FBXO4: variants seen among roughly 807,000 people sequenced by gnomAD.
The protein encoded by FBXO4 is F-box only protein 4.
A neutral mutation model predicts 43.7 loss-of-function variants in FBXO4; 36 were observed. The observed-to-expected ratio is 0.82, with a 90% CI of 0.63 to 1.09. The LOEUF is 1.09. Ranked by LOEUF, FBXO4 falls within the 50% of genes least tolerant of loss-of-function variation. The pLI is 0.00. For missense variants in FBXO4, 435 were observed against 474.1 expected (o/e 0.92, Z 0.77); for synonymous variants, 180 against 165.6 (o/e 1.09, Z -0.67).
chr5:41,997,208 A>T, the FBXO4 span, among the ~76,000 whole-genome samples: 1 of 152,256 alleles, frequency 6.6e-6, no homozygotes, highest in East Asian at 1.9e-4. Context: ...ATGAAACCAT[A>T]TCAGGTACAG....
chr5:41,985,914 A>G, the FBXO4 span, among the ~76,000 whole-genome samples: 1 of 152,168 alleles, frequency 6.6e-6, no homozygotes, highest in African/African-American at 2.4e-5. Flanking sequence ...GTCTACAGGA[A>G]AAGTCGAACT....
the FBXO4 span, among the ~76,000 whole-genome samples, chr5:42,040,176 A>G: frequency 2.6e-5 from 4 of 151,988 alleles, no homozygotes; most frequent in Non-Finnish European, 4.4e-5. Flanking sequence ...TATCCCATCT[A>G]CCCTCTCTGT....
chr5:42,037,136 T>A, the FBXO4 span, among the ~76,000 whole-genome samples: 2 of 152,102 alleles, frequency 1.3e-5, no homozygotes, highest in Non-Finnish European at 2.9e-5. Flanking sequence ...CTCACTACAG[T>A]TGGAGTTCAC....
the FBXO4 span, among the ~76,000 whole-genome samples, chr5:42,035,624 A>G: frequency 6.6e-6 from 1 of 152,104 alleles, no homozygotes; most frequent in African/African-American, 2.4e-5. Context: ...TGCCTGCCAG[A>G]TACTCAAGTT....
the FBXO4 span, among the ~76,000 whole-genome samples, chr5:41,970,001 C>T: frequency 6.6e-6 from 1 of 152,014 alleles, no homozygotes; most frequent in Non-Finnish European, 1.5e-5. Flanking sequence ...ACAAAGCAAC[C>T]ATTTAATGAA....
At chr5:41,962,653 C>T in the FBXO4 span, among the ~76,000 whole-genome samples, 1 of 152,172 alleles carries the variant, frequency 6.6e-6, no homozygotes, top group Non-Finnish European at 1.5e-5. Context: ...TCCTGACCCT[C>T]TTCCACCAAA....
chr5:42,009,654 G>A, the FBXO4 span, among the ~76,000 whole-genome samples: 4 of 152,146 alleles, frequency 2.6e-5, no homozygotes, highest in Non-Finnish European at 5.9e-5. Flanking sequence ...GTGGGGTGCA[G>A]CAATGATGCT....
the FBXO4 span, among the ~76,000 whole-genome samples, chr5:41,964,721 G>T: frequency 6.6e-6 from 1 of 151,368 alleles, no homozygotes; most frequent in Non-Finnish European, 1.5e-5. Context: ...CCCACTTGTT[G>T]ATGGGGTTGT....
At position 41,925,326 on chromosome 5, in the gene FBXO4, C is replaced by T. The variant is rs1414673413; in HGVS notation, c.17C>T (p.Pro6Leu). Residue 6 changes from proline to leucine, a missense_variant, in exon 1 of 7, where the codon CCG (proline) becomes CTG (leucine). Coordinates refer to ENST00000281623, the MANE Select transcript of FBXO4 (RefSeq NM_012176.3). Reference sequence around the variant, plus strand: ...GGGCAAGCCATGGCGGGAAGCGAGCCGCGCAGCGGAACAAACTCGCCGCCG... The same window carrying T: ...GGGCAAGCCATGGCGGGAAGCGAGCTGCGCAGCGGAACAAACTCGCCGCCG... MAGSE[P>L]RSGTNSPPPP... 1 of 1,344,434 alleles carries T rather than the reference C, an allele frequency of 7.4e-7. No individual in the cohort carries two copies. Among genetic ancestry groups the T allele is most frequent in the Non-Finnish European group, 9.6e-7 (1 of 1,042,408 alleles). The allele number at this position is 1,344,434 out of a possible 1,614,324, so 83.3% of individuals were successfully genotyped here.
the FBXO4 span, among the ~76,000 whole-genome samples, chr5:42,021,751 T>C: frequency 6.6e-6 from 1 of 152,186 alleles, no homozygotes; most frequent in African/African-American, 2.4e-5. Context: ...TAGGAGACTT[T>C]CGCTTCTCAT....
chr5:41,969,157 C>A, the FBXO4 span, among the ~76,000 whole-genome samples: 10 of 152,142 alleles, frequency 6.6e-5, no homozygotes, highest in African/African-American at 2.4e-4. Context: ...AGGGTTGGTG[C>A]CCCTTAGCAG....
chr5:41,957,385 A>G, the FBXO4 span, among the ~76,000 whole-genome samples: 4 of 148,944 alleles, frequency 2.7e-5, no homozygotes, highest in African/African-American at 9.8e-5. Context: ...ATGCTGAATA[A>G]TTATAATTAT....
intron 3 of FBXO4, among the ~76,000 whole-genome samples, chr5:41,930,905 C>T (rs1400870906): frequency 6.6e-6 from 1 of 152,158 alleles, no homozygotes; most frequent in Non-Finnish European, 1.5e-5. Context: ...ATCCGCCCAC[C>T]TGGGTCTCCC....
the FBXO4 span, among the ~76,000 whole-genome samples, chr5:42,028,215 A>C: frequency 2.6e-5 from 4 of 151,902 alleles, no homozygotes; most frequent in Admixed American, 2.6e-4. Flanking sequence ...GTGTGTGTGC[A>C]TATATATTTA....
At chr5:41,994,146 A>G in the FBXO4 span, among the ~76,000 whole-genome samples, 2 of 152,230 alleles carry the variant, frequency 1.3e-5, no homozygotes, top group African/African-American at 4.8e-5. Flanking sequence ...TATGCCTAAC[A>G]TAATACAACT....
At chr5:41,976,946 T>C in the FBXO4 span, among the ~76,000 whole-genome samples, 1 of 152,208 alleles carries the variant, frequency 6.6e-6, no homozygotes, top group Non-Finnish European at 1.5e-5. Flanking sequence ...ATGCCTGCAT[T>C]CTGTGTGCCT....
the FBXO4 span, among the ~76,000 whole-genome samples, chr5:41,950,917 A>G: frequency 6.6e-6 from 1 of 152,354 alleles, no homozygotes; most frequent in African/African-American, 2.4e-5. Flanking sequence ...TTGCAGGGGC[A>G]TGGATGAAGT....
chr5:42,001,855 T>G, the FBXO4 span, among the ~76,000 whole-genome samples: 880 of 151,974 alleles, frequency 5.8e-3, 9 homozygotes, highest in African/African-American at 0.02. Flanking sequence ...CTGGCTAATT[T>G]TTTTTTTGTA....
the FBXO4 span, among the ~76,000 whole-genome samples, chr5:41,999,567 A>G: frequency 7.2e-6 from 1 of 138,418 alleles, no homozygotes; most frequent in Non-Finnish European, 1.5e-5. Flanking sequence ...ATATATGTAT[A>G]TATATATAGT....
Sources: gnomAD v4.1 joint callset for allele counts (sites outside exome capture counted in the v4.1 genomes callset) on GRCh38, gnomAD v4.1.1 for gene constraint, MANE v1.5 for transcripts, NCBI Gene and HGNC (gene_info 2026-07-23, HGNC 2026-07-21) for gene names.